The following KAZN variants were observed in gnomAD, a reference collection of about 807,000 sequenced individuals.
KAZN encodes kazrin.
In KAZN, 40 loss-of-function variants were observed where a neutral mutation model predicts 87.4. The ratio of observed to expected loss-of-function variants is 0.46; its 90% confidence interval spans 0.36 to 0.60. The LOEUF is 0.60. KAZN is among the 20% of genes least tolerant of loss of function. The pLI is 0.00. For missense variants in KAZN, 898 were observed against 1,073.9 expected (o/e 0.84, Z 2.29); for synonymous variants, 466 against 458.3 (o/e 1.02, Z -0.22).
At chr1:14,958,060 A>G (rs1663363419) in intron 1 of KAZN, among the ~76,000 whole-genome samples, 1 of 152,124 alleles carries the variant, frequency 6.6e-6, no homozygotes, top group African/African-American at 2.4e-5. Context: ...CGCTGGTGGG[A>G]GAGAGGCGCC....
chr1:14,932,727 A>G (rs552049703), intron 1 of KAZN, among the ~76,000 whole-genome samples: 2 of 151,838 alleles, frequency 1.3e-5, no homozygotes, highest in East Asian at 3.9e-4. Flanking sequence ...GTGGGCTCAA[A>G]TGCAGAGTCC....
At position 14,231,344 on chromosome 1, in the gene KAZN, C is replaced by A. The variant is rs138628344; in HGVS notation, c.249+50752C>A. Among the ~76,000 whole-genome samples, 176 of 152,270 alleles carry A rather than the reference C, an allele frequency of 1.2e-3. 1 individual carries two copies. The highest frequency in any genetic ancestry group is 6.8e-3 in the Middle Eastern group (2 of 294). On this transcript the variant is annotated intron_variant, in intron 2 of 16. Coordinates refer to the KAZN transcript ENST00000636203. ...AAACAAACAAGAATGTGCTATCTTCCCCTCCCCTTGTAATTGATAAAGTGT... is the reference window on the plus strand; with the variant it reads ...AAACAAACAAGAATGTGCTATCTTCACCTCCCCTTGTAATTGATAAAGTGT...
intron 1 of KAZN, among the ~76,000 whole-genome samples, chr1:14,877,305 G>A (rs570879037): frequency 2.0e-5 from 3 of 152,250 alleles, no homozygotes; most frequent in East Asian, 3.9e-4. Flanking sequence ...TATTGCTAAG[G>A]ATCGCCAAGA....
intron 1 of KAZN, among the ~76,000 whole-genome samples, chr1:14,902,700 T>C (rs1289059390): frequency 3.9e-5 from 6 of 151,928 alleles, no homozygotes; most frequent in Non-Finnish European, 1.5e-5. Context: ...GTGAGAGGGG[T>C]GGGAGCTGCC....
At chr1:14,967,386 C>T (rs972798138) in intron 2 of KAZN, among the ~76,000 whole-genome samples, 2 of 152,174 alleles carry the variant, frequency 1.3e-5, no homozygotes, top group South Asian at 2.1e-4. Context: ...GTTCAGTCTC[C>T]GCATCCTCTA....
At chr1:15,068,998 C>T (rs1639388851) in intron 8 of KAZN, among the ~76,000 whole-genome samples, 1 of 151,508 alleles carries the variant, frequency 6.6e-6, no homozygotes, top group African/African-American at 2.4e-5. Flanking sequence ...CCATCTACCC[C>T]AGCAGTTCTC....
intron 2 of KAZN, among the ~76,000 whole-genome samples, chr1:14,970,295 A>G (rs1664889071): frequency 6.6e-6 from 1 of 152,128 alleles, no homozygotes; most frequent in South Asian, 2.1e-4. Flanking sequence ...GCTTGCTGAT[A>G]TCTCATTGGC....
chr1:14,140,866 G>A (rs1190629205), intron 1 of KAZN, among the ~76,000 whole-genome samples: 1 of 152,140 alleles, frequency 6.6e-6, no homozygotes, highest in African/African-American at 2.4e-5. Context: ...TCTCTGGGAA[G>A]AAAGACGTCC....
intron 2 of KAZN, among the ~76,000 whole-genome samples, chr1:14,403,487 C>T (rs923212919): frequency 6.6e-6 from 1 of 151,828 alleles, no homozygotes; most frequent in Admixed American, 6.6e-5. Flanking sequence ...AAAGACAAAC[C>T]ACAGACTCGA....
intron 1 of KAZN, among the ~76,000 whole-genome samples, chr1:14,145,934 A>G (rs1645339382): frequency 1.3e-5 from 2 of 152,298 alleles, no homozygotes; most frequent in Middle Eastern, 3.4e-3. Flanking sequence ...ACATTATGAC[A>G]AAGTTTACCT....
chr1:14,143,491 T>C (rs4662124), intron 1 of KAZN, among the ~76,000 whole-genome samples: 63,104 of 152,036 alleles, frequency 0.42, 15,345 homozygotes, highest in East Asian at 0.69. Context: ...GATCTTGTAT[T>C]CTTCCTGCGC....
At chr1:14,492,556 G>A (rs1264057439) in intron 2 of KAZN, among the ~76,000 whole-genome samples, 1 of 129,884 alleles carries the variant, frequency 7.7e-6, no homozygotes, top group Non-Finnish European at 1.7e-5. Flanking sequence ...TTCCAATGGT[G>A]GAAGGGCCAG....
rs533085718 is a variant in KAZN, at chr1:14,103,163, G to A, written c.92-77272G>A. Among the ~76,000 whole-genome samples the A allele has an allele frequency of 2.6e-5, 4 of 152,076 alleles. No homozygotes were observed. The South Asian group carries it at 6.2e-4, about 24-fold the overall frequency. On this transcript the variant is annotated intron_variant, in intron 1 of 16. Transcript: ENST00000636203. ...CTCGAACTCCTGGCCTCAAGTGATC[G>A]GCCCGTCTTGATCTCTCAAAGTGCC...
intron 2 of KAZN, among the ~76,000 whole-genome samples, chr1:14,421,524 T>A (rs1665428028): frequency 6.6e-6 from 1 of 152,186 alleles, no homozygotes. Context: ...TCCCTTAATG[T>A]TACCACATTA....
At chr1:14,924,459 C>G in intron 1 of KAZN, 2 of 989,694 alleles carry the variant, frequency 2.0e-6, no homozygotes, top group Non-Finnish European at 2.4e-6. Context: ...GCCGGGCCCG[C>G]GCGGCCCCCG....
intron 1 of KAZN, among the ~76,000 whole-genome samples, chr1:13,983,710 G>GCA (rs1638871664): frequency 6.6e-6 from 1 of 152,268 alleles, no homozygotes; most frequent in Non-Finnish European, 1.5e-5. Context: ...AGGACCGCCA[G>GCA]CACGCTGTCA....
At chr1:14,583,657 G>A (rs1372824321) in intron 2 of KAZN, among the ~76,000 whole-genome samples, 1 of 152,228 alleles carries the variant, frequency 6.6e-6, no homozygotes, top group African/African-American at 2.4e-5. Context: ...AGCAGAGGGT[G>A]ATAGCTGGTG....
intron 1 of KAZN, among the ~76,000 whole-genome samples, chr1:14,787,532 G>A (rs898308278): frequency 6.6e-6 from 1 of 152,228 alleles, no homozygotes; most frequent in Non-Finnish European, 1.5e-5. Context: ...AGGATTAAAT[G>A]TTTGAACAAA....
intron 1 of KAZN, among the ~76,000 whole-genome samples, chr1:14,700,353 T>A (rs1299383794): frequency 2.0e-5 from 3 of 151,976 alleles, no homozygotes; most frequent in African/African-American, 7.3e-5. Context: ...GCGCCTGTAA[T>A]CCCAGCTACT....
Sources: allele counts gnomAD v4.1 joint callset (sites outside exome capture counted in the v4.1 genomes callset), GRCh38; gene constraint gnomAD v4.1.1; transcripts MANE v1.5; gene names NCBI Gene and HGNC (gene_info 2026-07-23, HGNC 2026-07-21).